RPS6KA2: variants seen among roughly 807,000 people sequenced by gnomAD.
The protein encoded by RPS6KA2 is ribosomal protein S6 kinase A2, also known as ribosomal protein S6 kinase alpha-2.
RPS6KA2 carries 42 observed loss-of-function variants against 91.8 expected under a neutral mutation model. The ratio of observed to expected loss-of-function variants is 0.46; its 90% confidence interval spans 0.36 to 0.59. The LOEUF (loss-of-function observed/expected upper bound fraction) is 0.59, where lower values mean the gene tolerates loss of function less well. Among genes scored for constraint, RPS6KA2 ranks in the 20% least tolerant of loss-of-function variants. The pLI, the probability that RPS6KA2 is intolerant of heterozygous loss-of-function variation, is 0.00. For synonymous variants in RPS6KA2, 414 were observed against 393.6 expected (o/e 1.05, Z -0.61); for missense variants, 798 against 978.5 (o/e 0.82, Z 2.46).
chr6:166,444,218 C>T (rs1779606161), intron 14 of RPS6KA2, among the ~76,000 whole-genome samples: 1 of 152,144 alleles, frequency 6.6e-6, no homozygotes, highest in African/African-American at 2.4e-5. Flanking sequence ...TACACCTCTC[C>T]CCTTCCTTTT....
In RPS6KA2 at chr6:166,451,671, C is replaced by T. The variant is rs367672687; in HGVS notation, c.1076-438G>A. On this transcript the variant is annotated intron_variant, in intron 12 of 20. Coordinates refer to ENST00000265678, the MANE Select transcript of RPS6KA2 (RefSeq NM_021135.6). ...ATCCTTAGCTTCTGGTCTCTAGGTT[C>T]GACAGGTCCCACCCCTGTGCCCACA... Among the ~76,000 whole-genome samples the T allele has an allele frequency of 1.1e-4, 17 of 152,320 alleles. No homozygotes were observed. The East Asian group carries it at 1.4e-3, about 12-fold the overall frequency.
At chr6:166,480,522 T>TATATATA (rs1781175775) in intron 10 of RPS6KA2, among the ~76,000 whole-genome samples, 1 of 121,334 alleles carries the variant, frequency 8.2e-6, no homozygotes, top group Non-Finnish European at 1.7e-5. Flanking sequence ...TATAATATAT[T>TATATATA]TTTTTTTTTT....
At position 166,600,731 on chromosome 6, in the gene RPS6KA2, G is replaced by A. The variant is rs553865057; in HGVS notation, c.99+26190C>T. On this transcript the variant is annotated intron_variant, in intron 1 of 20. Transcript: ENST00000265678. ...ACTAAATAATATAGCTGCATGTAGC[G>A]TATTTGAAGTAAAATGAAATTTCAG... is the stretch of plus-strand genomic sequence containing the variant. 5.9e-5 allele frequency among the ~76,000 whole-genome samples: 9 copies of A among 152,310 alleles called. No homozygotes were observed. The East Asian group carries it at 1.2e-3, about 20-fold the overall frequency.
intron 2 of RPS6KA2, among the ~76,000 whole-genome samples, chr6:166,845,937 G>A (rs919957530): frequency 9.2e-5 from 14 of 151,658 alleles, no homozygotes; most frequent in African/African-American, 2.4e-4. Context: ...TCTTTGAAAT[G>A]ATAAATAAAA....
At chr6:166,819,969 C>G (rs1779863792) in intron 2 of RPS6KA2, among the ~76,000 whole-genome samples, 1 of 152,072 alleles carries the variant, frequency 6.6e-6, no homozygotes, top group Non-Finnish European at 1.5e-5. Context: ...CCCAAGGGCA[C>G]TATATGAGAG....
Position 166,835,312 on chromosome 6 carries a change from TTTGC to T in RPS6KA2, c.123+22884_123+22887del, listed in dbSNP as rs748647348. On this transcript the variant is annotated intron_variant, in intron 2 of 21. Coordinates refer to the RPS6KA2 transcript ENST00000503859. ...ACTTCTGATTAAGTTTAGGAATCTG[TTTGC>T]CAAATTCTGTGGAGATTTTGATTGG... 7.5e-4 allele frequency among the ~76,000 whole-genome samples: 114 copies of T among 152,272 alleles called. No homozygotes were observed. The Middle Eastern group carries it at 0.01, about 14-fold the overall frequency.
chr6:166,774,881 C>T (rs1302803373), intron 2 of RPS6KA2, among the ~76,000 whole-genome samples: 1 of 151,000 alleles, frequency 6.6e-6, no homozygotes, highest in Non-Finnish European at 1.5e-5. Context: ...TCTGAGGAGT[C>T]GGATCCCCAG....
chr6:166,693,930 C>T (rs142114856), intron 2 of RPS6KA2, among the ~76,000 whole-genome samples: 1 of 152,358 alleles, frequency 6.6e-6, no homozygotes, highest in African/African-American at 2.4e-5. Context: ...AGACATCCCT[C>T]TGTCCCCTAC....
At chr6:166,830,574 C>T (rs554639106) in intron 2 of RPS6KA2, among the ~76,000 whole-genome samples, 1 of 152,252 alleles carries the variant, frequency 6.6e-6, no homozygotes, top group Admixed American at 6.5e-5. Context: ...AAACATCTCT[C>T]CCAATACATG....
intron 2 of RPS6KA2, among the ~76,000 whole-genome samples, chr6:166,704,081 G>A (rs566660236): frequency 7.2e-5 from 11 of 152,276 alleles, no homozygotes; most frequent in African/African-American, 1.9e-4. Flanking sequence ...ACTTGACTTC[G>A]TATAACAGAG....
intron 1 of RPS6KA2, among the ~76,000 whole-genome samples, chr6:166,565,347 G>C (rs1417133251): frequency 6.6e-6 from 1 of 152,236 alleles, no homozygotes; most frequent in Non-Finnish European, 1.5e-5. Flanking sequence ...TCTGCGGTGT[G>C]CTTCAGCCAT....
intron 2 of RPS6KA2, among the ~76,000 whole-genome samples, chr6:166,769,185 C>G (rs1489847780): frequency 6.6e-6 from 1 of 152,162 alleles, no homozygotes; most frequent in Non-Finnish European, 1.5e-5. Flanking sequence ...AGGAGAAACA[C>G]CCAGTATTGG....
At chr6:166,496,375 A>G (rs1332319915) in intron 8 of RPS6KA2, among the ~76,000 whole-genome samples, 2 of 142,014 alleles carry the variant, frequency 1.4e-5, no homozygotes, top group Non-Finnish European at 3.0e-5. Flanking sequence ...TTAAAAAATA[A>G]AAAGAAAAAA....
chr6:166,694,582 G>A (rs1366757517), intron 2 of RPS6KA2, among the ~76,000 whole-genome samples: 1 of 152,194 alleles, frequency 6.6e-6, no homozygotes, highest in Non-Finnish European at 1.5e-5. Flanking sequence ...ACTGGGCAGG[G>A]GCACTGCATT....
chr6:166,464,630 T>C (rs1011187159), intron 11 of RPS6KA2, among the ~76,000 whole-genome samples: 1 of 152,232 alleles, frequency 6.6e-6, no homozygotes, highest in Admixed American at 6.5e-5. Context: ...TTGTGCTGTC[T>C]GCAGTGATTA....
intron 2 of RPS6KA2, among the ~76,000 whole-genome samples, chr6:166,781,184 A>G (rs1778760193): frequency 6.6e-6 from 1 of 152,214 alleles, no homozygotes; most frequent in South Asian, 2.1e-4. Context: ...CAATCAACAC[A>G]TCAGGTTCTT....
chr6:166,554,473 A>T lies in RPS6KA2; in HGVS notation c.100-15689T>A, dbSNP rs1371551821. Among the ~76,000 whole-genome samples the T allele has an allele frequency of 1.3e-5, 2 of 152,240 alleles. No homozygotes were observed. Among genetic ancestry groups the T allele is most frequent in the Non-Finnish European group, 2.9e-5 (2 of 68,042 alleles). On this transcript the variant is annotated intron_variant, in intron 1 of 20. Transcript: ENST00000265678. This position sits in a 1 kb window ranked among gnomAD's most constrained non-coding sequence, Gnocchi z 4.3. ...GCTGGCTGAATAAAAATCCCACGGG[A>T]ATTTCTGTTCCCTTTCTATTCCTCT...
chr6:166,440,852 C>T (rs879427085), intron 14 of RPS6KA2, among the ~76,000 whole-genome samples: 2 of 152,284 alleles, frequency 1.3e-5, no homozygotes, highest in African/African-American at 2.4e-5. Flanking sequence ...ACGCTGCAGC[C>T]GCAAGTGCCG....
intron 19 of RPS6KA2, among the ~76,000 whole-genome samples, chr6:166,416,927 C>A (rs533143501): frequency 6.6e-6 from 1 of 152,218 alleles, no homozygotes; most frequent in Non-Finnish European, 1.5e-5. Flanking sequence ...ATCACCTCCA[C>A]GCTCACTGCA....
Sources: gnomAD v4.1 joint callset for allele counts (sites outside exome capture counted in the v4.1 genomes callset) on GRCh38, gnomAD v4.1.1 for gene constraint, Gnocchi (gnomAD v3.1) non-coding constraint, MANE v1.5 for transcripts, NCBI Gene and HGNC (gene_info 2026-07-23, HGNC 2026-07-21) for gene names.